The following C11orf58 variants were observed in gnomAD, a reference collection of about 807,000 sequenced individuals.
The protein encoded by C11orf58 is chromosome 11 open reading frame 58, also known as small acidic protein.
C11orf58 carries 5 observed loss-of-function variants against 22.7 expected under a neutral mutation model. The observed-to-expected ratio is 0.22, with a 90% confidence interval of 0.12 to 0.46. The LOEUF (loss-of-function observed/expected upper bound fraction) is 0.46. C11orf58 is among the 20% of genes least tolerant of loss of function. The pLI is 0.99. For synonymous variants in C11orf58, 71 were observed against 70.7 expected (o/e 1.00, Z -0.02); for missense variants, 151 against 223.3 (o/e 0.68, Z 2.06).
In C11orf58 at chr11:16,757,934, A is replaced by G. The variant is rs1848594465; in HGVS notation, c.*2830A>G. ...CACAGTTTGAGAGCACAAAGGTCACATTCTTTCAGTAAATTTGGGGGAAAT... is the reference window on the plus strand; with the variant it reads ...CACAGTTTGAGAGCACAAAGGTCACGTTCTTTCAGTAAATTTGGGGGAAAT... On this transcript the variant is annotated 3_prime_UTR_variant, in exon 5 of 5. Transcript: ENST00000228136. 3.9e-5 allele frequency among the ~76,000 whole-genome samples: 6 copies of G among 152,248 alleles called. 1 individual carries two copies. The South Asian group carries it at 1.2e-3, about 31-fold the overall frequency.
At chr11:16,751,597 C>G (rs1420978433) in intron 3 of C11orf58, 1 of 152,076 alleles carries the variant, frequency 6.6e-6, no homozygotes, top group African/African-American at 2.4e-5. Context: ...AGAGTGGCTG[C>G]ATTCAAAGCC....
At chr11:16,741,951 C>T (rs1376965835) in intron 1 of C11orf58, among the ~76,000 whole-genome samples, 1 of 152,142 alleles carries the variant, frequency 6.6e-6, no homozygotes, top group East Asian at 1.9e-4. Context: ...ATGTAATGCA[C>T]TTGAATCATC....
rs968248125 is a variant in C11orf58, at chr11:16,758,041, T to C, written c.*2937T>C. 6.6e-6 allele frequency among the ~76,000 whole-genome samples: 1 copy of C among 152,078 alleles called. No individual in the cohort carries two copies. The highest frequency in any genetic ancestry group is 1.5e-5 in the Non-Finnish European group (1 of 68,028). The stretch of plus-strand genomic sequence containing the variant: ...ATTACTTGTTTCCACCACAGCCACA[T>C]CCTAAATACTTGGAATATCCGAAAA... On this transcript the variant is annotated 3_prime_UTR_variant, in exon 5 of 5. Coordinates refer to ENST00000228136, the MANE Select transcript of C11orf58 (RefSeq NM_014267.6).
chr11:16,738,943 C>A, intron 1 of C11orf58, 102 bp downstream of exon 1: 1 of 1,285,992 alleles, frequency 7.8e-7, no homozygotes, highest in Non-Finnish European at 1.1e-6. Context: ...TGGCCTGCAG[C>A]GGGAGAGCCC....
In C11orf58 at chr11:16,754,760, C is replaced by T. The variant is rs1848562019; in HGVS notation, c.319-111C>T. The T allele has an allele frequency of 4.0e-6, 6 of 1,503,386 alleles. No homozygotes were observed. The South Asian group carries it at 8.2e-5, about 20-fold the overall frequency. The allele number at this position is 1,503,386 out of a possible 1,614,324, so 93.1% of individuals were successfully genotyped here. On this transcript the variant is annotated intron_variant, in intron 4 of 4. Coordinates refer to ENST00000228136, the MANE Select transcript of C11orf58 (RefSeq NM_014267.6). ...CTACTCAAGTCTTAAAGCTGTTGTT[C>T]TAATGGCTACAAAGTAGAGTGTTTC...
intron 1 of C11orf58, among the ~76,000 whole-genome samples, chr11:16,743,792 A>T (rs1444985853): frequency 1.3e-5 from 2 of 152,068 alleles, no homozygotes; most frequent in Non-Finnish European, 2.9e-5. Context: ...AATGAATTAT[A>T]AATAATGAAC....
intron 4 of C11orf58, chr11:16,754,091 T>A (rs1564885346): frequency 7.7e-6 from 3 of 391,758 alleles, no homozygotes; most frequent in Middle Eastern, 6.3e-4. Context: ...AGCTTTTTTA[T>A]TTTTTTTTCA....
At chr11:16,751,135 G>A (rs1848529554) in intron 3 of C11orf58, 2 of 151,964 alleles carry the variant, frequency 1.3e-5, no homozygotes, top group Non-Finnish European at 3.0e-5. Flanking sequence ...TACAATAGCT[G>A]CTCCAGAGAT....
chr11:16,739,409 G>A (rs1238267292), intron 1 of C11orf58: 2 of 153,484 alleles, frequency 1.3e-5, no homozygotes, highest in Admixed American at 6.4e-5. Context: ...AAGACGTTGA[G>A]ACCTAGAAGC....
chr11:16,744,117 A>G (rs932661933), intron 1 of C11orf58: 1 of 152,168 alleles, frequency 6.6e-6, no homozygotes. Context: ...CTCACTGATA[A>G]AGGCAGAATT....
chr11:16,742,679 T>A (rs1249350205), intron 1 of C11orf58, among the ~76,000 whole-genome samples: 1 of 152,184 alleles, frequency 6.6e-6, no homozygotes, highest in African/African-American at 2.4e-5. Flanking sequence ...GTGGTTTTTT[T>A]AAATATTCTT....
At chr11:16,741,094 T>TTA (rs747131584) in intron 1 of C11orf58, among the ~76,000 whole-genome samples, 1 of 139,108 alleles carries the variant, frequency 7.2e-6, no homozygotes, top group African/African-American at 2.7e-5. Context: ...AGACTCTGTT[T>TTA]AAAAAAAAAA....
chr11:16,739,657 T>G (rs1848429294), intron 1 of C11orf58: 1 of 152,272 alleles, frequency 6.6e-6, no homozygotes, highest in Non-Finnish European at 1.5e-5. Context: ...ATGGAAACGG[T>G]AGGTAACCAG....
At chr11:16,742,680 A>T (rs10741708) in intron 1 of C11orf58, among the ~76,000 whole-genome samples, 126,928 of 152,154 alleles carry the variant, frequency 0.83, 53,017 homozygotes, top group Middle Eastern at 0.91. Context: ...TGGTTTTTTT[A>T]AATATTCTTT....
chr11:16,752,558 A>G (rs1026808983), intron 3 of C11orf58: 27 of 293,282 alleles, frequency 9.2e-5, no homozygotes, highest in Non-Finnish European at 1.4e-4. Flanking sequence ...TAAGTAAGCT[A>G]AAACATTTAA....
At chr11:16,743,239 A>G (rs1368762482) in intron 1 of C11orf58, among the ~76,000 whole-genome samples, 1 of 152,198 alleles carries the variant, frequency 6.6e-6, no homozygotes, top group Admixed American at 6.5e-5. Flanking sequence ...GTCCATTTGC[A>G]ACCAAATCAA....
In C11orf58 at chr11:16,757,129, C is replaced by G. The variant is rs7109995; in HGVS notation, c.*2025C>G. Among the ~76,000 whole-genome samples, 42,322 of 150,974 alleles carry G rather than the reference C, an allele frequency of 0.28. 6,587 individuals are homozygous for G. Among genetic ancestry groups the G allele is most frequent in the East Asian group, 0.49 (2,501 of 5,112 alleles). On this transcript the variant is annotated 3_prime_UTR_variant, in exon 5 of 5. Coordinates refer to ENST00000228136, the MANE Select transcript of C11orf58 (RefSeq NM_014267.6). ...ACTTTATAGTAGACAATACATATGA[C>G]ATTTAACAAATACTTGGTTTGAAAA...
chr11:16,746,202 A>G (rs1848486305), intron 2 of C11orf58, among the ~76,000 whole-genome samples: 2 of 152,240 alleles, frequency 1.3e-5, no homozygotes, highest in African/African-American at 2.4e-5. Flanking sequence ...CCAGACTACA[A>G]CAGTAGGTTT....
Position 16,752,816 on chromosome 11 carries a change from G to A in C11orf58, c.240G>A (p.Leu80=). 6.2e-7 allele frequency: 1 copy of A among 1,612,506 alleles called. No homozygotes were observed. Among genetic ancestry groups the A allele is most frequent in the Non-Finnish European group, 8.5e-7 (1 of 1,179,422 alleles). The change falls in exon 4 of 5, where the codon CTG becomes CTA. Residue 80 remains leucine (L), a synonymous_variant. Coordinates refer to ENST00000228136, the MANE Select transcript of C11orf58 (RefSeq NM_014267.6). The part of the protein sequence containing the change: ...GEEDKKINEE[L]ESQYQQSMDS... ...AAGACAAGAAAATTAATGAAGAACT[G>A]GAGTCTCAATATCAGCAAAGTATGG...
Sources: allele counts gnomAD v4.1 joint callset (sites outside exome capture counted in the v4.1 genomes callset), GRCh38; gene constraint gnomAD v4.1.1; transcripts MANE v1.5; gene names NCBI Gene and HGNC (gene_info 2026-07-23, HGNC 2026-07-21).